The following CIC variants were observed in gnomAD, a reference collection of about 807,000 sequenced individuals.
CIC encodes the protein capicua transcriptional repressor, also known as protein capicua homolog.
A neutral mutation model predicts 115.7 loss-of-function variants in CIC; 18 were observed. That is an observed-to-expected ratio of 0.16 (90% CI 0.11 to 0.23). CIC has a LOEUF of 0.23. Ranked by LOEUF, CIC falls within the 10% of genes least tolerant of loss-of-function variation. The probability of loss-of-function intolerance (pLI) is 1.00; values close to 1 mark genes in which losing one functional copy is unlikely to be tolerated. For synonymous variants in CIC, 1,076 were observed against 923.0 expected (o/e 1.17, Z -3.01); for missense variants, 2,000 against 2,159.3 (o/e 0.93, Z 1.46).
chr19:42,273,152 G>A lies in CIC; in HGVS notation c.1369G>A (p.Val457Met), dbSNP rs1013364453. ...CCAGGGCGGCAGCCGCAGCAGCAGC[G>A]TGGCCTCCCTGGAAAAGGGGACAGC... ...GSQGGSRSSS[V>M]ASLEKGTAPA... The change falls in exon 2 of 21, where the codon GTG (valine) becomes ATG (methionine). Residue 457 changes from valine (V) to methionine (M), a missense_variant. Coordinates refer to ENST00000681038, the MANE Select transcript of CIC (RefSeq NM_001386298.1). 9 of 398,672 alleles carry A rather than the reference G, an allele frequency of 2.3e-5. No homozygotes were observed. Among genetic ancestry groups the A allele is most frequent in the East Asian group, 7.1e-5 (2 of 28,042 alleles). The allele number at this position is 398,672 out of a possible 1,614,324, so 24.7% of individuals were successfully genotyped here.
Position 42,289,320 on chromosome 19 carries a change from G to A in CIC, c.4001G>A (p.Arg1334His), listed in dbSNP as rs201067032. Reference sequence around the variant, plus strand: ...CCGCTGCTGCCCACCCGAGCTTCTCGTTCTCAGCGTGCGGCCAGTGAGGAC... The same window carrying A: ...CCGCTGCTGCCCACCCGAGCTTCTCATTCTCAGCGTGCGGCCAGTGAGGAC... The part of the protein sequence containing the change: ...RPPLLPTRAS[R>H]SQRAASEDMT... Residue 1334 changes from arginine to histidine, a missense_variant, in exon 9 of 21, where the codon CGT becomes CAT. Physicochemically the swap from Arg to His is conservative, Grantham distance 29. This residue lies in a region of CIC where 1,466 missense variants were observed against 1,390.4 expected (regional missense o/e 1.05). Transcript: ENST00000681038. 2.6e-4 allele frequency: 419 copies of A among 1,613,938 alleles called. 2 individuals carry two copies. The highest frequency in any genetic ancestry group is 5.9e-4 in the South Asian group (54 of 91,086).
At chr19:42,286,641 G>T (rs1474081245) in intron 2 of CIC, 130 bp from the exon 3 acceptor site, 6 of 1,178,848 alleles carry the variant, frequency 5.1e-6, no homozygotes, top group Non-Finnish European at 7.4e-6. Context: ...ACGAGTCCAA[G>T]AGGCTCTGGT....
intron 2 of CIC, among the ~76,000 whole-genome samples, chr19:42,275,536 G>A (rs931487782): frequency 4.6e-5 from 7 of 152,196 alleles, no homozygotes; most frequent in African/African-American, 1.2e-4. Context: ...GAGGCTGGGG[G>A]TGGAAGAGTG....
chr19:42,286,231 A>G (rs1046190809), intron 2 of CIC, among the ~76,000 whole-genome samples: 2 of 152,262 alleles, frequency 1.3e-5, no homozygotes, highest in East Asian at 3.9e-4. Flanking sequence ...CTCCCACACC[A>G]CAGTTGTAAG....
chr19:42,285,791 G>A (rs1243132132), intron 2 of CIC, among the ~76,000 whole-genome samples: 1 of 152,242 alleles, frequency 6.6e-6, no homozygotes, highest in Admixed American at 6.5e-5. Flanking sequence ...CAAAAGTCCA[G>A]CCAGGGGTAG....
At position 42,293,851 on chromosome 19, in the gene CIC, G is replaced by T; in HGVS notation, c.6767+15G>T. ...TCTGTGGACAAGTGAGCATGGGCTG[G>T]GGCCTTGGTGGAGCGTGTTAGGGTG... On this transcript the variant is annotated intron_variant, in intron 17 of 20. Coordinates refer to ENST00000681038, the MANE Select transcript of CIC (RefSeq NM_001386298.1). 6.2e-7 allele frequency: 1 copy of T among 1,613,026 alleles called. No individual in the cohort carries two copies.
At position 42,272,921 on chromosome 19, in the gene CIC, G is replaced by C; in HGVS notation, c.1138G>C (p.Glu380Gln). ...TGCTGCCCTGGACCCCAAACAGCCC[G>C]AGGATGCTGAGGTCTCTAAGATCAG... ...CPAALDPKQP[E>Q]DAEVSKISFG... The change falls in exon 2 of 21, where the codon GAG (glutamate) becomes CAG (glutamine). Residue 380 changes from glutamate (E) to glutamine (Q), a missense_variant. Glu to Gln is a conservative substitution (Grantham distance 29). This residue lies in a region of CIC where 222 missense variants were observed against 247.7 expected (regional missense o/e 0.90). Coordinates refer to ENST00000681038, the MANE Select transcript of CIC (RefSeq NM_001386298.1). The C allele has an allele frequency of 2.5e-6, 1 of 399,210 alleles. No homozygotes were observed. Among genetic ancestry groups the C allele is most frequent in the Non-Finnish European group, 4.4e-6 (1 of 226,484 alleles). The allele number at this position is 399,210 out of a possible 1,614,324, so 24.7% of individuals were successfully genotyped here.
At chr19:42,293,308 C>T (rs181838712) in intron 16 of CIC, 27 bp downstream of exon 16, 181 of 1,545,584 alleles carry the variant, frequency 1.2e-4, no homozygotes, top group Admixed American at 4.8e-4. Context: ...CGTGGGGCTC[C>T]CACTGCCACT....
Position 42,288,996 on chromosome 19 carries a change from C to A in CIC, c.3767C>A (p.Pro1256His). The change falls in exon 8 of 21, where the codon CCT becomes CAT. Residue 1256 changes from proline to histidine, a missense_variant. Coordinates refer to ENST00000681038, the MANE Select transcript of CIC (RefSeq NM_001386298.1). ...GAERLHTVGG[P>H]GSARPRAFSH... ...GAACGGCTACACACAGTTGGGGGAC[C>A]TGGCTCAGCCCGGCCCCGAGCTTTC... The A allele has an allele frequency of 6.2e-7, 1 of 1,613,934 alleles. No individual in the cohort carries two copies. Among genetic ancestry groups the A allele is most frequent in the Non-Finnish European group, 8.5e-7 (1 of 1,180,032 alleles).
chr19:42,292,541 C>G (rs2038209859), intron 14 of CIC, 25 bp from the exon 15 acceptor site: 1 of 1,612,560 alleles, frequency 6.2e-7, no homozygotes, highest in African/African-American at 1.3e-5. Context: ...ACTTGGTCTC[C>G]TGCTTCTTCT....
intron 2 of CIC, among the ~76,000 whole-genome samples, chr19:42,281,337 C>T (rs2037238197): frequency 6.6e-6 from 1 of 152,180 alleles, no homozygotes; most frequent in Non-Finnish European, 1.5e-5. Context: ...TGTCAGCATC[C>T]CTGGCTGCTC....
chr19:42,288,761 C>T (rs2147222964), intron 7 of CIC, 127 bp from the exon 8 acceptor site: 6 of 808,922 alleles, frequency 7.4e-6, no homozygotes, highest in Non-Finnish European at 1.2e-5. Flanking sequence ...TTTTTTTTTT[C>T]ACCAAGTGGC....
Position 42,292,095 on chromosome 19 carries a change from C to G in CIC, c.5623C>G (p.Leu1875Val). The G allele has an allele frequency of 6.2e-7, 1 of 1,613,882 alleles. No homozygotes were observed. Among genetic ancestry groups the G allele is most frequent in the East Asian group, 2.2e-5 (1 of 44,874 alleles). Residue 1875 changes from leucine (L) to valine (V), a missense_variant, in exon 13 of 21, where the codon CTG becomes GTG. Coordinates refer to ENST00000681038, the MANE Select transcript of CIC (RefSeq NM_001386298.1). ...GTGCCCTTCTCCACAGATCATCCAG[C>G]TGACCCCGGTGCCTGTGAGCACACC... ...GAQPPSKIIQ[L>V]TPVPVSTPSG... is the part of the protein sequence containing the mutation.
rs2036892905 is a variant in CIC, at chr19:42,274,428, C to T, written c.2645C>T (p.Pro882Leu). Residue 882 changes from proline to leucine, a missense_variant, in exon 2 of 21, where the codon CCG becomes CTG. This residue lies in a region of CIC where 222 missense variants were observed against 247.7 expected (regional missense o/e 0.90). Transcript: ENST00000681038. The stretch of plus-strand genomic sequence containing the variant: ...GCTGCACCAACTGCCGTGGCCCAGC[C>T]GATGCCCGCCTTTGGCCTGGCTTCT... The part of the protein sequence containing the change: ...PPAAPTAVAQ[P>L]MPAFGLASSP... The T allele has an allele frequency of 1.0e-5, 4 of 399,042 alleles. No homozygotes were observed. The highest frequency in any genetic ancestry group is 1.3e-5 in the Non-Finnish European group (3 of 226,346). 24.7% of individuals were successfully genotyped at this position (399,042 alleles called of 1,614,324 possible). A position where few individuals can be genotyped will look rare whatever the true frequency, so the allele number is the denominator to read the frequency against.
In CIC at chr19:42,291,437, A is replaced by G; in HGVS notation, c.5396A>G (p.Gln1799Arg). The G allele has an allele frequency of 1.9e-6, 3 of 1,612,998 alleles. No individual in the cohort carries two copies. The highest frequency in any genetic ancestry group is 2.5e-6 in the Non-Finnish European group (3 of 1,179,952). Residue 1799 changes from glutamine to arginine, a missense_variant, in exon 11 of 21, where the codon CAG (glutamine) becomes CGG (arginine). Transcript: ENST00000681038. ...CCCACTCCTGGCATCCCCATCCTGC[A>G]GTCTGTACCCTCCGCCCCACCCCCC... is the stretch of plus-strand genomic sequence containing the variant. ...TAPTPGIPIL[Q>R]SVPSAPPPKA... is the part of the protein sequence containing the mutation.
intron 2 of CIC, among the ~76,000 whole-genome samples, chr19:42,275,767 GCCT>G (rs2036952567): frequency 6.6e-6 from 1 of 152,142 alleles, no homozygotes; most frequent in Admixed American, 6.5e-5. Flanking sequence ...TCCTGTCTTG[GCCT>G]CCCAAAATGC....
At chr19:42,282,280 C>G (rs182754853) in intron 2 of CIC, among the ~76,000 whole-genome samples, 8 of 152,288 alleles carry the variant, frequency 5.3e-5, no homozygotes, top group African/African-American at 1.9e-4. Flanking sequence ...AGTTTTTGCC[C>G]CCTCTCCATT....
In CIC at chr19:42,271,800, A is replaced by C. The variant is rs911030780; in HGVS notation, c.17A>C (p.Lys6Thr). MKPMK[K>T]ACTGLSGPGS... is the part of the protein sequence containing the mutation. ...TGGACAAAAATGAAGCCAATGAAGA[A>C]GGCATGCACTGGCCTTTCAGGTCCT... The change falls in exon 2 of 21, where the codon AAG (lysine) becomes ACG (threonine). Residue 6 changes from lysine to threonine, a missense_variant. By Grantham distance (78) the Lys-to-Thr change is moderately conservative (BLOSUM62 -1). Around this residue, in one of 8 missense-constraint regions of CIC, gnomAD observed 222 missense variants for 247.7 expected, o/e 0.90. Transcript: ENST00000681038. 1.3e-5 allele frequency: 5 copies of C among 398,632 alleles called. No individual in the cohort carries two copies. Among genetic ancestry groups the C allele is most frequent in the Non-Finnish European group, 2.2e-5 (5 of 226,144 alleles). 24.7% of individuals were successfully genotyped at this position (398,632 alleles called of 1,614,324 possible).
chr19:42,290,482 C>A lies in CIC; in HGVS notation c.4441C>A (p.Arg1481=), dbSNP rs749708777. The change falls in exon 11 of 21, where the codon CGG becomes AGG. Residue 1481 remains arginine (R), a synonymous_variant. Transcript: ENST00000681038. ...SGQGSTAGPL[R]PPPPGAGGPA... is the part of the protein sequence containing the mutation. ...TCAGGGCAGCACAGCGGGCCCCCTACGGCCCCCACCCCCTGGGGCTGGGGG... is the reference window on the plus strand; with the variant it reads ...TCAGGGCAGCACAGCGGGCCCCCTAAGGCCCCCACCCCCTGGGGCTGGGGG... 1.2e-6 allele frequency: 2 copies of A among 1,613,638 alleles called. No individual in the cohort carries two copies. Among genetic ancestry groups the A allele is most frequent in the African/African-American group, 1.3e-5 (1 of 74,872 alleles).
Sources: gnomAD v4.1 joint callset for allele counts (sites outside exome capture counted in the v4.1 genomes callset) on GRCh38, gnomAD v4.1.1 for gene constraint, gnomAD v4.1.1 regional missense constraint, MANE v1.5 for transcripts, NCBI Gene and HGNC (gene_info 2026-07-23, HGNC 2026-07-21) for gene names.